The following CBARP variants were observed in gnomAD, a reference collection of about 807,000 sequenced individuals.
CBARP encodes voltage-dependent calcium channel beta subunit-associated regulatory protein.
Under a neutral mutation model 36.3 loss-of-function variants are expected in CBARP, and 24 were observed. The ratio of observed to expected loss-of-function variants is 0.66; its 90% CI spans 0.48 to 0.93. The LOEUF is 0.93. CBARP is among the 40% of genes least tolerant of loss of function. The probability of loss-of-function intolerance (pLI) is 0.00; values close to 1 mark genes in which losing one functional copy is unlikely to be tolerated. For synonymous variants in CBARP, 586 were observed against 453.2 expected (o/e 1.29, Z -3.72); for missense variants, 1,146 against 980.4 (o/e 1.17, Z -2.26).
Position 1,229,311 on chromosome 19 carries a change from G to T in CBARP, c.1986C>A (p.Ser662=), listed in dbSNP as rs780347538. The T allele has an allele frequency of 8.0e-7, 1 of 1,253,160 alleles. No homozygotes were observed. Among genetic ancestry groups the T allele is most frequent in the Non-Finnish European group, 1.0e-6 (1 of 975,166 alleles). 77.6% of individuals were successfully genotyped at this position (1,253,160 alleles called of 1,614,324 possible). A position where few individuals can be genotyped will look rare whatever the true frequency, so the allele number is the denominator to read the frequency against. ...CCGCCAGCTTGTCCAGCACCGACCC[G>T]GATGGTAGGACGCACAGGCCCGAGC... ...CPGSGLCVLP[S]GSVLDKLAAG... The change falls in exon 10 of 10, where the codon TCC becomes TCA. Residue 662 remains serine (S), a synonymous_variant. Coordinates refer to ENST00000650044, the MANE Select transcript of CBARP (RefSeq NM_001393918.1). The surrounding 1 kb of genome is among the most constrained non-coding windows in gnomAD (Gnocchi z 5.1).
In CBARP at chr19:1,229,504, AGGGCCGGGGCCGCGC is replaced by A; in HGVS notation, c.1778_1792del (p.Arg593_Ala597del). The A allele has an allele frequency of 1.0e-6, 1 of 978,658 alleles. No individual in the cohort carries two copies. 60.6% of individuals were successfully genotyped at this position (978,658 alleles called of 1,614,324 possible). A position where few individuals can be genotyped will look rare whatever the true frequency, so the allele number is the denominator to read the frequency against. Reference sequence around the variant, plus strand: ...GGCAGGCGGTGCCGGGGTTCCGGCCAGGGCCGGGGCCGCGCGGGCGCCGGGGTCGCTGTGCTGCCG... The same window carrying A: ...GGCAGGCGGTGCCGGGGTTCCGGCCAGGGCGCCGGGGTCGCTGTGCTGCCG... On this transcript the variant is annotated inframe_deletion, in exon 10 of 10. Coordinates refer to ENST00000650044, the MANE Select transcript of CBARP (RefSeq NM_001393918.1). This position sits in a 1 kb window ranked among gnomAD's most constrained non-coding sequence, Gnocchi z 5.1.
chr19:1,234,074 A>C, intron 7 of CBARP, 117 bp downstream of exon 7: 1 of 1,246,700 alleles, frequency 8.0e-7, no homozygotes, highest in Middle Eastern at 2.2e-4. Flanking sequence ...CCGGCGGGCC[A>C]AGGAGGGCTG....
intron 6 of CBARP, 40 bp downstream of exon 6, chr19:1,234,531 C>T (rs1445218494): frequency 6.4e-7 from 1 of 1,558,304 alleles, no homozygotes; most frequent in Non-Finnish European, 8.7e-7. Flanking sequence ...GGGCTGCCTC[C>T]CGTCCCCCGA....
In CBARP at chr19:1,229,795, A is replaced by G; in HGVS notation, c.1502T>C (p.Met501Thr). ...KDGEARRLLQMDSGYASIEGR... is the reference protein window; with the variant it reads ...KDGEARRLLQTDSGYASIEGR... ...CTCGATGCTGGCGTAGCCACTGTCC[A>G]TCTGCAGCAGCCGGCGCGCCTCGCC... The change falls in exon 10 of 10, where the codon ATG (methionine) becomes ACG (threonine). Residue 501 changes from methionine to threonine, a missense_variant. Met to Thr is a moderately conservative substitution (Grantham distance 81). Coordinates refer to ENST00000650044, the MANE Select transcript of CBARP (RefSeq NM_001393918.1). The surrounding 1 kb of genome is among the most constrained non-coding windows in gnomAD (Gnocchi z 5.1). 9.9e-7 allele frequency: 1 copy of G among 1,010,334 alleles called. No homozygotes were observed. Among genetic ancestry groups the G allele is most frequent in the Non-Finnish European group, 1.2e-6 (1 of 841,676 alleles). 62.6% of individuals were successfully genotyped at this position (1,010,334 alleles called of 1,614,324 possible). A position where few individuals can be genotyped will look rare whatever the true frequency, so the allele number is the denominator to read the frequency against.
At chr19:1,236,985 C>A (rs1378325875) in intron 1 of CBARP, among the ~76,000 whole-genome samples, 1 of 151,878 alleles carries the variant, frequency 6.6e-6, no homozygotes, top group Non-Finnish European at 1.5e-5. Context: ...AGGCGGGGCG[C>A]GGCACCAGGG....
At chr19:1,233,993 C>T (rs1169465706) in intron 7 of CBARP, among the ~76,000 whole-genome samples, 198 bp downstream of exon 7, 3 of 152,198 alleles carry the variant, frequency 2.0e-5, no homozygotes, top group Admixed American at 6.5e-5. Context: ...CCTGGGGTGC[C>T]CCCTGCATGT....
Position 1,234,652 on chromosome 19 carries a change from G to A in CBARP, c.546C>T (p.His182=), listed in dbSNP as rs775510632. ...AGCTGGCCTCGCCTGAGTCACACTC[G>A]TGGATGGTGACAATCTTGAGGGGCG... ...HLPPLKIVTI[H]ECDSGEASSA... Residue 182 remains histidine, a synonymous_variant, in exon 6 of 10, where the codon CAC becomes CAT. Coordinates refer to ENST00000650044, the MANE Select transcript of CBARP (RefSeq NM_001393918.1). 5 of 1,611,754 alleles carry A rather than the reference G, an allele frequency of 3.1e-6. No homozygotes were observed. Among genetic ancestry groups the A allele is most frequent in the East Asian group, 2.2e-5 (1 of 44,846 alleles).
At chr19:1,237,456 C>T (rs1447964565) in intron 1 of CBARP, among the ~76,000 whole-genome samples, 4 of 152,064 alleles carry the variant, frequency 2.6e-5, no homozygotes, top group Admixed American at 2.6e-4. Context: ...GGCAGCACCG[C>T]GCCCCCGAGC....
At chr19:1,234,397 C>T in intron 6 of CBARP, 66 bp from the exon 7 acceptor site, 1 of 1,435,450 alleles carries the variant, frequency 7.0e-7, no homozygotes, top group South Asian at 1.5e-5. Context: ...GGGTGAGGGA[C>T]ATGGGCAGGT....
In CBARP at chr19:1,233,547, G is replaced by T; in HGVS notation, c.858C>A (p.Thr286=). ...GCAGGCGGGTGAGGAACTGCAGAAC[G>T]GTACCTGCCCCGGATCCCGGGCCCG... is the stretch of plus-strand genomic sequence containing the variant. ...GEAGPGSGAG[T]VLQFLTRLRR... is the part of the protein sequence containing the mutation. The change falls in exon 8 of 10, where the codon ACC becomes ACA. Residue 286 remains threonine, a synonymous_variant. Coordinates refer to ENST00000650044, the MANE Select transcript of CBARP (RefSeq NM_001393918.1). 6.2e-7 allele frequency: 1 copy of T among 1,605,428 alleles called. No individual in the cohort carries two copies. The highest frequency in any genetic ancestry group is 1.7e-4 in the Middle Eastern group (1 of 6,014).
At chr19:1,235,712 A>C in intron 3 of CBARP, 67 bp downstream of exon 3, 1 of 1,601,574 alleles carries the variant, frequency 6.2e-7, no homozygotes, top group South Asian at 1.1e-5. Flanking sequence ...AGTGAGGTAG[A>C]CCCCCCACCA....
At chr19:1,234,353 G>C in intron 6 of CBARP, 22 bp from the exon 7 acceptor site, 1 of 1,440,630 alleles carries the variant, frequency 6.9e-7, no homozygotes, top group Non-Finnish European at 9.1e-7. Context: ...AGCCAGGTGG[G>C]GGAGGAAGCA....
In CBARP at chr19:1,236,129, G is replaced by A. The variant is rs752446460; in HGVS notation, c.-21-8C>T. The A allele has an allele frequency of 2.9e-5, 41 of 1,414,586 alleles. No individual in the cohort carries two copies. Among genetic ancestry groups the A allele is most frequent in the Admixed American group, 6.2e-5 (2 of 32,300 alleles). 87.6% of individuals were successfully genotyped at this position (1,414,586 alleles called of 1,614,324 possible). A position where few individuals can be genotyped will look rare whatever the true frequency, so the allele number is the denominator to read the frequency against. On this transcript the variant is annotated splice_region_variant and splice_polypyrimidine_tract_variant and intron_variant, in intron 1 of 9. Transcript: ENST00000650044. ...GAACTGGGGAGGAGGGCCCTGTGGG[G>A]AGGAAGCCTGGTCAGCTCCAGCTAG... is the stretch of plus-strand genomic sequence containing the variant.
At position 1,231,242 on chromosome 19, in the gene CBARP, C is replaced by T. The variant is rs554460406; in HGVS notation, c.1013G>A (p.Arg338Gln). The T allele has an allele frequency of 1.5e-5, 24 of 1,602,000 alleles. No individual in the cohort carries two copies. The highest frequency in any genetic ancestry group is 2.2e-5 in the South Asian group (2 of 91,074). ...SPKRHHFQRQ[R>Q]AASESTEQEE... ...CTGCTCCGTGCTCTCACTGGCTGCC[C>T]GCTGCCGCTGGAAGTGGTGCCGCTT... Residue 338 changes from arginine (R) to glutamine (Q), a missense_variant, in exon 9 of 10, where the codon CGG becomes CAG. By Grantham distance (43) the Arg-to-Gln change is conservative. Coordinates refer to ENST00000650044, the MANE Select transcript of CBARP (RefSeq NM_001393918.1).
At position 1,233,509 on chromosome 19, in the gene CBARP, C is replaced by G. The variant is rs758004822; in HGVS notation, c.896G>C (p.Ser299Thr). ...GAAATAGGGGCTGGCCCCATCCAGG[C>G]TGGCATGGCGGCGCAGGCGGGTGAG... ...QFLTRLRRHA[S>T]LDGASPYFKV... The change falls in exon 8 of 10, where the codon AGC becomes ACC. Residue 299 changes from serine (S) to threonine (T), a missense_variant. Physicochemically the swap from Ser to Thr is moderately conservative, Grantham distance 58. Transcript: ENST00000650044. 10 of 1,608,286 alleles carry G rather than the reference C, an allele frequency of 6.2e-6. No homozygotes were observed. Among genetic ancestry groups the G allele is most frequent in the Middle Eastern group, 1.6e-4 (1 of 6,068 alleles).
Position 1,229,560 on chromosome 19 carries a change from T to C in CBARP, c.1737A>G (p.Lys579=). Residue 579 remains lysine (K), a synonymous_variant, in exon 10 of 10, where the codon AAA becomes AAG. Coordinates refer to ENST00000650044, the MANE Select transcript of CBARP (RefSeq NM_001393918.1). The surrounding 1 kb of genome is among the most constrained non-coding windows in gnomAD (Gnocchi z 5.1). Reference sequence around the variant, plus strand: ...TGTGCTGCCGGCCACGCTGCCACTGTTTGCGGGCGTGCGGGTGCGCGCGGG... The same window carrying C: ...TGTGCTGCCGGCCACGCTGCCACTGCTTGCGGGCGTGCGGGTGCGCGCGGG... ...HRARAHPHAR[K]QWQRGRQHSD... is the part of the protein sequence containing the mutation. 9.4e-7 allele frequency: 1 copy of C among 1,059,686 alleles called. No homozygotes were observed. Among genetic ancestry groups the C allele is most frequent in the Non-Finnish European group, 1.2e-6 (1 of 869,406 alleles). 65.6% of individuals were successfully genotyped at this position (1,059,686 alleles called of 1,614,324 possible).
In CBARP at chr19:1,229,611, G is replaced by A. The variant is rs1343503644; in HGVS notation, c.1686C>T (p.Asp562=). The A allele has an allele frequency of 4.2e-6, 5 of 1,201,516 alleles. No individual in the cohort carries two copies. In the Admixed American group the frequency reaches 1.0e-4, roughly 24 times the overall value. The allele number at this position is 1,201,516 out of a possible 1,614,324, so 74.4% of individuals were successfully genotyped here. The change falls in exon 10 of 10, where the codon GAC becomes GAT. Residue 562 remains aspartate (D), a synonymous_variant. Transcript: ENST00000650044. This position sits in a 1 kb window ranked among gnomAD's most constrained non-coding sequence, Gnocchi z 5.1. ...EFLRHDPHFD[D]TPAAARHRAR... Reference sequence around the variant, plus strand: ...CGCGGTGTCGCGCGGCAGCCGGCGTGTCGTCGAAGTGCGGGTCGTGGCGCA... The same window carrying A: ...CGCGGTGTCGCGCGGCAGCCGGCGTATCGTCGAAGTGCGGGTCGTGGCGCA...
chr19:1,231,699 G>A (rs898997298), intron 8 of CBARP, among the ~76,000 whole-genome samples: 5 of 151,424 alleles, frequency 3.3e-5, no homozygotes, highest in African/African-American at 9.7e-5. Flanking sequence ...CACACACACA[G>A]GAGTGGGCCC....
chr19:1,236,395 C>T (rs2080973817), intron 1 of CBARP, among the ~76,000 whole-genome samples: 1 of 152,222 alleles, frequency 6.6e-6, no homozygotes. Flanking sequence ...TGCACACAGC[C>T]GGTGCGGCCT....
Sources: gnomAD v4.1 joint callset for allele counts (sites outside exome capture counted in the v4.1 genomes callset) on GRCh38, gnomAD v4.1.1 for gene constraint, Gnocchi (gnomAD v3.1) non-coding constraint, MANE v1.5 for transcripts, NCBI Gene and HGNC (gene_info 2026-07-23, HGNC 2026-07-21) for gene names.